The following DLG5 variants were observed in gnomAD, a reference collection of about 807,000 sequenced individuals.
The protein encoded by DLG5 is discs large MAGUK scaffold protein 5.
Under a neutral mutation model 189.8 loss-of-function variants are expected in DLG5, and 48 were observed. The observed-to-expected ratio is 0.25, with a 90% CI of 0.20 to 0.32. The LOEUF (loss-of-function observed/expected upper bound fraction) is 0.32. Among genes scored for constraint, DLG5 ranks in the 10% least tolerant of loss-of-function variants. DLG5 has a pLI of 1.00. For missense variants in DLG5, 2,160 were observed against 2,544.7 expected, an observed-to-expected ratio of 0.85 and a Z score of 3.25; for synonymous variants, 1,016 against 1,054.1, an observed-to-expected ratio of 0.96 and a Z score of 0.70.
chr10:77,836,002 C>T (rs1843115319), intron 7 of DLG5, 80 bp from the exon 8 acceptor site: 29 of 1,455,194 alleles, frequency 2.0e-5, no homozygotes, highest in Non-Finnish European at 2.6e-5. Context: ...GTGCGGGGGC[C>T]AAGGCTGAGG....
chr10:77,829,072 T>C (rs1842781384), intron 12 of DLG5, 87 bp from the exon 13 acceptor site: 2 of 1,414,056 alleles, frequency 1.4e-6, no homozygotes, highest in Non-Finnish European at 2.0e-6. Flanking sequence ...ACCATCTTCT[T>C]ACAAAAGAGG....
intron 26 of DLG5, 107 bp from the exon 27 acceptor site, chr10:77,805,968 C>T: frequency 3.6e-6 from 4 of 1,096,174 alleles, no homozygotes; most frequent in Non-Finnish European, 5.3e-6. Flanking sequence ...ACTGGGCTCC[C>T]CCCACACTCC....
chr10:77,908,859 A>T (rs942834283), intron 1 of DLG5, among the ~76,000 whole-genome samples: 1 of 152,134 alleles, frequency 6.6e-6, no homozygotes, highest in South Asian at 2.1e-4. Context: ...AGACACAAAA[A>T]CACTTGCCAT....
chr10:77,826,673 C>G (rs898439157), intron 13 of DLG5, among the ~76,000 whole-genome samples: 2 of 151,754 alleles, frequency 1.3e-5, no homozygotes, highest in African/African-American at 4.8e-5. Flanking sequence ...TCTGGCTGGG[C>G]GTGGTGGCTC....
At chr10:77,933,897 A>C in the DLG5 span, among the ~76,000 whole-genome samples, 1 of 149,844 alleles carries the variant, frequency 6.7e-6, no homozygotes, top group Non-Finnish European at 1.5e-5. Flanking sequence ...AAATACGGAG[A>C]GTAGGCCGGG....
intron 1 of DLG5, among the ~76,000 whole-genome samples, chr10:77,876,056 G>A (rs1053244633): frequency 1.3e-5 from 2 of 151,906 alleles, no homozygotes; most frequent in African/African-American, 4.8e-5. Flanking sequence ...GCCACCCGAG[G>A]GTGGGAAAAT....
In DLG5 at chr10:77,830,742, G is replaced by T. The variant is rs779423863; in HGVS notation, c.1880C>A (p.Thr627Lys). 6.2e-7 allele frequency: 1 copy of T among 1,613,980 alleles called. No homozygotes were observed. The highest frequency in any genetic ancestry group is 8.5e-7 in the Non-Finnish European group (1 of 1,179,884). ...ETEVVEFERE[T>K]EDIDLKALGF... ...GAAGAACCATCAGAGGCAGCTTACC[G>T]TCTCCCTCTCGAACTCTACAACTTC... The change falls in exon 10 of 32, where the codon ACG becomes AAG. Residue 627 changes from threonine to lysine, a missense_variant and splice_region_variant. This residue lies in a region of DLG5 where 664 missense variants were observed against 838.5 expected (regional missense o/e 0.79). Transcript: ENST00000372391.
Position 77,811,089 on chromosome 10 carries a change from C to T in DLG5, c.4463+5G>A. On this transcript the variant is annotated splice_donor_5th_base_variant and intron_variant, in intron 23 of 31. Coordinates refer to ENST00000372391, the MANE Select transcript of DLG5 (RefSeq NM_004747.4). ...CAGGGAAGGCTCACAGCAACGTCTG[C>T]TGACCTGGAGCTGCTCTGCTTGGCT... The T allele has an allele frequency of 6.2e-7, 1 of 1,610,608 alleles. No homozygotes were observed. The highest frequency in any genetic ancestry group is 8.5e-7 in the Non-Finnish European group (1 of 1,179,654).
At chr10:77,846,649 A>G (rs1030663285) in intron 5 of DLG5, 1 of 455,616 alleles carries the variant, frequency 2.2e-6, no homozygotes, top group South Asian at 1.6e-5. Context: ...GTGAGCCAAG[A>G]CTGTGCCACT....
At chr10:77,909,394 T>C (rs761488687) in intron 1 of DLG5, among the ~76,000 whole-genome samples, 1 of 151,920 alleles carries the variant, frequency 6.6e-6, no homozygotes, top group Non-Finnish European at 1.5e-5. Flanking sequence ...ACAGAAGAAA[T>C]ACCTAATGTA....
intron 27 of DLG5, among the ~76,000 whole-genome samples, chr10:77,797,563 AGGCCCAGGAG>A (rs1840985768): frequency 6.6e-6 from 1 of 152,216 alleles, no homozygotes; most frequent in Non-Finnish European, 1.5e-5. Context: ...CCACTTGGGC[AGGCCCAGGAG>A]GGAAGTGGGA....
chr10:77,830,820 G>A lies in DLG5; in HGVS notation c.1802C>T (p.Ala601Val). 4.3e-6 allele frequency: 7 copies of A among 1,614,196 alleles called. No individual in the cohort carries two copies. The highest frequency in any genetic ancestry group is 1.1e-5 in the South Asian group (1 of 91,084). ...AATGGCCGAGTCGTGGGAGCTGTGG[G>A]CCATCAGCTGTCGGAACCGGGCCTC... ...EKEARFRQLM[A>V]HSSHDSAIDT... Residue 601 changes from alanine to valine, a missense_variant, in exon 10 of 32, where the codon GCC becomes GTC. By Grantham distance (64) the Ala-to-Val change is moderately conservative. Coordinates refer to ENST00000372391, the MANE Select transcript of DLG5 (RefSeq NM_004747.4).
At chr10:77,934,860 GTT>G in the DLG5 span, among the ~76,000 whole-genome samples, 57 of 137,376 alleles carry the variant, frequency 4.1e-4, no homozygotes, top group Non-Finnish European at 3.2e-4. Context: ...TTGTTTTTTT[GTT>G]TTTTTTTTTT....
the DLG5 span, among the ~76,000 whole-genome samples, chr10:77,935,811 G>A: frequency 1.1e-3 from 164 of 152,252 alleles, no homozygotes; most frequent in Non-Finnish European, 1.8e-3. Flanking sequence ...GTGAGCAGAG[G>A]AGCAGTTGTT....
Position 77,811,076 on chromosome 10 carries a change from A to C in DLG5, c.4463+18T>G, listed in dbSNP as rs745503477. 6.2e-7 allele frequency: 1 copy of C among 1,608,822 alleles called. No homozygotes were observed. Among genetic ancestry groups the C allele is most frequent in the South Asian group, 1.1e-5 (1 of 90,642 alleles). On this transcript the variant is annotated intron_variant, in intron 23 of 31. Transcript: ENST00000372391. ...GCCGAAGCGGACACAGGGAAGGCTCACAGCAACGTCTGCTGACCTGGAGCT... is the reference window on the plus strand; with the variant it reads ...GCCGAAGCGGACACAGGGAAGGCTCCCAGCAACGTCTGCTGACCTGGAGCT...
At position 77,790,975 on chromosome 10, in the gene DLG5, T is replaced by C. The variant is rs1840621290; in HGVS notation, c.*1465A>G. The C allele has an allele frequency of 6.6e-6, 1 of 152,324 alleles. No homozygotes were observed. Among genetic ancestry groups the C allele is most frequent in the South Asian group, 2.1e-4 (1 of 4,822 alleles). The allele number at this position is 152,324 out of a possible 1,614,324, so 9.4% of individuals were successfully genotyped here. On this transcript the variant is annotated 3_prime_UTR_variant, in exon 32 of 32. Coordinates refer to ENST00000372391, the MANE Select transcript of DLG5 (RefSeq NM_004747.4). Reference sequence around the variant, plus strand: ...TACCCCCAGAGGGTCTGCGAGTTAATACCTTGAGAATAGTCTACAGTTTTT... The same window carrying C: ...TACCCCCAGAGGGTCTGCGAGTTAACACCTTGAGAATAGTCTACAGTTTTT...
chr10:77,911,321 A>G (rs1248885), intron 1 of DLG5, among the ~76,000 whole-genome samples: 46,664 of 151,956 alleles, frequency 0.31, 7,740 homozygotes, highest in Admixed American at 0.44. Context: ...GGGTCTCCCT[A>G]TGTTGCTCAG....
Position 77,794,912 on chromosome 10 carries a change from A to T in DLG5, c.5483T>A (p.Leu1828His). 1.2e-6 allele frequency: 2 copies of T among 1,613,996 alleles called. No individual in the cohort carries two copies. The highest frequency in any genetic ancestry group is 1.7e-6 in the Non-Finnish European group (2 of 1,180,020). Reference sequence around the variant, plus strand: ...AATGGGGTAGATGTGCATGTGGTGGAGCCGCTCAATAGCGTGCGGAGCAAT... The same window carrying T: ...AATGGGGTAGATGTGCATGTGGTGGTGCCGCTCAATAGCGTGCGGAGCAAT... ...LDIAPHAIER[L>H]HHMHIYPIVI... The change falls in exon 30 of 32, where the codon CTC becomes CAC. Residue 1828 changes from leucine (L) to histidine (H), a missense_variant. Transcript: ENST00000372391.
intron 1 of DLG5, among the ~76,000 whole-genome samples, chr10:77,881,456 G>A (rs1032377047): frequency 6.6e-6 from 1 of 152,152 alleles, no homozygotes; most frequent in African/African-American, 2.4e-5. Context: ...TGAGAAAGAA[G>A]GGTTCCAGTC....
Sources: gnomAD v4.1 joint callset for allele counts (sites outside exome capture counted in the v4.1 genomes callset) on GRCh38, gnomAD v4.1.1 for gene constraint, gnomAD v4.1.1 regional missense constraint, MANE v1.5 for transcripts, NCBI Gene and HGNC (gene_info 2026-07-23, HGNC 2026-07-21) for gene names.